Variants in KHDC1 observed in about 807,000 individuals in gnomAD.
KHDC1 encodes KH homology domain-containing protein 1.
A neutral mutation model predicts 24.7 loss-of-function variants in KHDC1; 21 were observed. That is an observed-to-expected ratio of 0.85 (90% CI 0.60 to 1.23). The LOEUF is 1.23. Among genes scored for constraint, KHDC1 ranks in the 50% most tolerant of loss-of-function variants. KHDC1 has a pLI of 0.00. For missense variants in KHDC1, 274 were observed against 298.5 expected, an observed-to-expected ratio of 0.92 and a Z score of 0.61; for synonymous variants, 98 against 111.7, an observed-to-expected ratio of 0.88 and a Z score of 0.77.
At chr6:73,252,420 T>C (rs1224385121) in intron 2 of KHDC1, among the ~76,000 whole-genome samples, 2 of 152,188 alleles carry the variant, frequency 1.3e-5, no homozygotes, top group African/African-American at 4.8e-5. Context: ...AAATTAGCTC[T>C]TCTAGTAATT....
At chr6:73,284,350 T>G (rs1411423184) in intron 2 of KHDC1, among the ~76,000 whole-genome samples, 3 of 152,210 alleles carry the variant, frequency 2.0e-5, no homozygotes, top group Non-Finnish European at 2.9e-5. Context: ...AACTTTTGCA[T>G]TCTGGCAACT....
intron 2 of KHDC1, among the ~76,000 whole-genome samples, chr6:73,281,223 C>T (rs951050985): frequency 6.6e-6 from 1 of 152,072 alleles, no homozygotes; most frequent in Non-Finnish European, 1.5e-5. Flanking sequence ...CCTGTAATCC[C>T]AGCTACTCAG....
chr6:73,242,622 C>T, intron 2 of KHDC1, 92 bp from the exon 2 acceptor site: 4 of 1,525,770 alleles, frequency 2.6e-6, no homozygotes, highest in Non-Finnish European at 3.6e-6. Flanking sequence ...AACATAGGAA[C>T]CCAACAACCT....
At chr6:73,263,266 C>T in intron 2 of KHDC1, 70 bp from the exon 1 acceptor site, 1 of 985,912 alleles carries the variant, frequency 1.0e-6, no homozygotes, top group Non-Finnish European at 1.2e-6. Flanking sequence ...CCCGCCTGCT[C>T]TGTGTAGGAG....
chr6:73,271,223 G>A (rs9360658), intron 2 of KHDC1, among the ~76,000 whole-genome samples: 1 of 150,966 alleles, frequency 6.6e-6, no homozygotes, highest in Non-Finnish European at 1.5e-5. Context: ...GTTGTTGTTG[G>A]GGGGGACAGA....
intron 2 of KHDC1, among the ~76,000 whole-genome samples, chr6:73,281,399 G>A (rs1278301324): frequency 2.0e-5 from 3 of 150,272 alleles, no homozygotes; most frequent in East Asian, 3.9e-4. Context: ...AGCATTTCCT[G>A]AAGGTCAAGA....
At chr6:73,242,708 TGTTC>T in intron 2 of KHDC1, 178 bp from the exon 2 acceptor site, 1 of 731,092 alleles carries the variant, frequency 1.4e-6, no homozygotes, top group Non-Finnish European at 2.2e-6. Context: ...AGTAATTATC[TGTTC>T]TGAGCTTAAT....
chr6:73,267,589 G>A (rs1445557169), intron 2 of KHDC1, among the ~76,000 whole-genome samples: 1 of 152,206 alleles, frequency 6.6e-6, no homozygotes, highest in Non-Finnish European at 1.5e-5. Flanking sequence ...AAATGGTGCA[G>A]CCACTGTGGA....
chr6:73,276,121 G>A (rs904299973), intron 2 of KHDC1: 3 of 151,600 alleles, frequency 2.0e-5, no homozygotes, highest in African/African-American at 7.3e-5. Context: ...GAACCGGGAG[G>A]AGGAGGTTGC....
chr6:73,298,245 T>C (rs1201513622), intron 1 of KHDC1, among the ~76,000 whole-genome samples: 1 of 151,632 alleles, frequency 6.6e-6, no homozygotes, highest in Non-Finnish European at 1.5e-5. Context: ...TTCAACATGC[T>C]ATGGAGGAGG....
At chr6:73,292,274 C>A in intron 1 of KHDC1, 1 of 1,291,232 alleles carries the variant, frequency 7.7e-7, no homozygotes, top group Non-Finnish European at 1.1e-6. Context: ...AAGGCAAATG[C>A]GGTCAACCAG....
At chr6:73,248,354 T>TTC (rs1243557854) in intron 2 of KHDC1, among the ~76,000 whole-genome samples, 4 of 151,654 alleles carry the variant, frequency 2.6e-5, no homozygotes, top group African/African-American at 9.7e-5. Flanking sequence ...GATGTTCCAC[T>TTC]TCTCTCTCTG....
intron 2 of KHDC1, chr6:73,274,741 G>C (rs534683001): frequency 6.6e-6 from 1 of 152,324 alleles, no homozygotes. Context: ...ACCCAGTCTC[G>C]TGTAGCAGCA....
In KHDC1 at chr6:73,260,728, G is replaced by A. The variant is rs192468209; in HGVS notation, c.207-18198C>T. Among the ~76,000 whole-genome samples, 49 of 152,262 alleles carry A rather than the reference G, an allele frequency of 3.2e-4. 1 individual carries two copies. The highest frequency in any genetic ancestry group is 1.4e-3 in the Admixed American group (22 of 15,290). On this transcript the variant is annotated intron_variant, in intron 2 of 4. Transcript: ENST00000370384. ...AGAATATTCACTTTTCCACAAAATT[G>A]ATATTTTCAAATTTCAGTTTTAGCC...
intron 2 of KHDC1, chr6:73,268,355 AC>A (rs1339316046): frequency 6.5e-6 from 1 of 154,518 alleles, no homozygotes; most frequent in Non-Finnish European, 1.4e-5. Flanking sequence ...GGTGAGTGTT[AC>A]AGCTCATAAA....
intron 2 of KHDC1, chr6:73,291,981 C>T: frequency 6.2e-7 from 1 of 1,613,730 alleles, no homozygotes; most frequent in East Asian, 2.2e-5. Context: ...TACGACTTAA[C>T]TACTCGCATC....
At chr6:73,294,728 G>A (rs1767728596) in intron 1 of KHDC1, among the ~76,000 whole-genome samples, 1 of 152,142 alleles carries the variant, frequency 6.6e-6, no homozygotes, top group Non-Finnish European at 1.5e-5. Context: ...CAAATCTCAT[G>A]TTGAATTGTA....
intron 2 of KHDC1, among the ~76,000 whole-genome samples, chr6:73,244,276 TA>T (rs1358930858): frequency 6.6e-6 from 1 of 152,176 alleles, no homozygotes; most frequent in African/African-American, 2.4e-5. Flanking sequence ...ATGGGGTGTA[TA>T]AGTGTCATTT....
intron 1 of KHDC1, among the ~76,000 whole-genome samples, chr6:73,301,962 TA>T (rs2150753535): frequency 6.6e-6 from 1 of 152,228 alleles, no homozygotes; most frequent in Non-Finnish European, 1.5e-5. Flanking sequence ...TTAAGAACTC[TA>T]TATAGATTCA....
Sources: allele counts gnomAD v4.1 joint callset (sites outside exome capture counted in the v4.1 genomes callset), GRCh38; gene constraint gnomAD v4.1.1; transcripts MANE v1.5; gene names NCBI Gene and HGNC (gene_info 2026-07-23, HGNC 2026-07-21).